Variants in MTMR3 observed in about 807,000 individuals in gnomAD.
The protein encoded by MTMR3 is phosphatidylinositol-3,5-bisphosphate 3-phosphatase MTMR3.
In MTMR3, 32 loss-of-function variants were observed where a neutral mutation model predicts 132.4. The observed-to-expected ratio is 0.24, with a 90% CI of 0.18 to 0.32. The LOEUF is 0.32. MTMR3 is among the 10% of genes least tolerant of loss of function. The pLI is 1.00. For synonymous variants in MTMR3, 556 were observed against 550.3 expected (o/e 1.01, Z -0.14); for missense variants, 1,216 against 1,489.6 (o/e 0.82, Z 3.02).
At chr22:29,946,157 G>A (rs909093058) in intron 1 of MTMR3, among the ~76,000 whole-genome samples, 2 of 152,156 alleles carry the variant, frequency 1.3e-5, no homozygotes, top group Non-Finnish European at 2.9e-5. Context: ...TTCAAAGAAA[G>A]CAGTGAAAAT....
chr22:29,956,489 C>T (rs548678367), intron 1 of MTMR3, among the ~76,000 whole-genome samples: 11 of 152,152 alleles, frequency 7.2e-5, no homozygotes, highest in Admixed American at 2.6e-4. Context: ...TCAAGTGATC[C>T]GCCTGCCTTG....
chr22:30,023,120 C>A, intron 19 of MTMR3: 1 of 408,320 alleles, frequency 2.4e-6, no homozygotes, highest in South Asian at 2.8e-5. Flanking sequence ...CATTGGTGAG[C>A]AGCTGTAGCT....
chr22:29,999,610 A>G (rs549559340), intron 8 of MTMR3: 51 of 152,068 alleles, frequency 3.4e-4, no homozygotes, highest in African/African-American at 1.1e-3. Flanking sequence ...TGGATTTTGG[A>G]GCATTTCAGA....
intron 1 of MTMR3, among the ~76,000 whole-genome samples, chr22:29,907,037 A>G (rs562838568): frequency 3.3e-5 from 5 of 151,998 alleles, no homozygotes; most frequent in Admixed American, 1.3e-4. Flanking sequence ...AGATTGCGCC[A>G]CTGCACTCCA....
Position 29,900,758 on chromosome 22 carries a change from A to G in MTMR3, c.-138+17399A>G, listed in dbSNP as rs186714385. Among the ~76,000 whole-genome samples, 393 of 152,300 alleles carry G rather than the reference A, an allele frequency of 2.6e-3. 1 individual carries two copies. The highest frequency in any genetic ancestry group is 9.0e-3 in the African/African-American group (376 of 41,562). ...GAGAAAGGGTCTCACTCTGTCACCCAGGGTGGAGTGAGTGGCGTGATCTTG... is the reference window on the plus strand; with the variant it reads ...GAGAAAGGGTCTCACTCTGTCACCCGGGGTGGAGTGAGTGGCGTGATCTTG... On this transcript the variant is annotated intron_variant, in intron 1 of 19. Transcript: ENST00000401950.
chr22:29,990,282 T>A (rs909430956), intron 6 of MTMR3: 4 of 152,292 alleles, frequency 2.6e-5, no homozygotes, highest in Admixed American at 2.0e-4. Context: ...TTAAATTTAA[T>A]AGCTCTAGAG....
intron 5 of MTMR3, chr22:29,986,677 T>C (rs1407870466): frequency 3.1e-5 from 25 of 799,788 alleles, no homozygotes; most frequent in Non-Finnish European, 3.6e-5. Flanking sequence ...TTTTTTTTGT[T>C]TTTGAGATGG....
intron 18 of MTMR3, 32 bp from the exon 19 acceptor site, chr22:30,022,577 C>T (rs1191202475): frequency 6.3e-7 from 1 of 1,595,008 alleles, no homozygotes; most frequent in Non-Finnish European, 8.6e-7. Context: ...GGCCCATCTC[C>T]TGTCAGTAAC....
At chr22:29,928,897 A>G (rs1028949869) in intron 1 of MTMR3, among the ~76,000 whole-genome samples, 5 of 152,226 alleles carry the variant, frequency 3.3e-5, no homozygotes, top group African/African-American at 1.2e-4. Context: ...ACTTGGCTAT[A>G]TGGAATACGT....
Position 30,020,499 on chromosome 22 carries a change from C to T in MTMR3, c.2840C>T (p.Thr947Ile). 6.8e-6 allele frequency: 11 copies of T among 1,614,178 alleles called. No homozygotes were observed. Among genetic ancestry groups the T allele is most frequent in the Middle Eastern group, 1.6e-4 (1 of 6,062 alleles). ...TCAGAGCAGCCCCCAGGTCTTAGCA[C>T]CCTCCAGATGTACCCCACACCCAAT... ...RASEQPPGLSTLQMYPTPNGH... is the reference protein window; with the variant it reads ...RASEQPPGLSILQMYPTPNGH... The change falls in exon 17 of 20, where the codon ACC (threonine) becomes ATC (isoleucine). Residue 947 changes from threonine (T) to isoleucine (I), a missense_variant. Physicochemically the swap from Thr to Ile is moderately conservative, Grantham distance 89 (BLOSUM62 -1). Transcript: ENST00000401950.
intron 1 of MTMR3, among the ~76,000 whole-genome samples, chr22:29,949,129 ACACACACACACACACCCCCCCC>A (rs1569019562): frequency 9.8e-5 from 3 of 30,508 alleles, no homozygotes; most frequent in African/African-American, 2.1e-4. Flanking sequence ...ACACACACAC[ACACACACACACACACCCCCCCC>A]CCCCCCCCCG....
chr22:29,987,399 GTCC>G (rs1166821872), intron 5 of MTMR3: 8 of 152,146 alleles, frequency 5.3e-5, no homozygotes, highest in Non-Finnish European at 1.2e-4. Flanking sequence ...GGAGGAGACT[GTCC>G]TCCTCTTTGC....
At position 29,998,825 on chromosome 22, in the gene MTMR3, C is replaced by T; in HGVS notation, c.525C>T (p.Ala175=). The part of the protein sequence containing the change: ...VERMGFDMNN[A]WRISNINEKY... ...GGATGGGTTTTGATATGAACAACGCCTGGAGGATTTCCAACATCAATGAGA... is the reference window on the plus strand; with the variant it reads ...GGATGGGTTTTGATATGAACAACGCTTGGAGGATTTCCAACATCAATGAGA... The change falls in exon 8 of 20, where the codon GCC becomes GCT. Residue 175 remains alanine, a synonymous_variant. Coordinates refer to ENST00000401950, the MANE Select transcript of MTMR3 (RefSeq NM_021090.4). The T allele has an allele frequency of 6.2e-7, 1 of 1,611,316 alleles. No homozygotes were observed. Among genetic ancestry groups the T allele is most frequent in the Non-Finnish European group, 8.5e-7 (1 of 1,178,458 alleles).
chr22:29,971,560 CAT>C (rs977243086), intron 3 of MTMR3, among the ~76,000 whole-genome samples: 13 of 152,172 alleles, frequency 8.5e-5, no homozygotes, highest in South Asian at 2.1e-4. Flanking sequence ...AGCTGATTAA[CAT>C]ATGTATTACT....
At chr22:29,992,210 AGC>A (rs2066976414) in intron 7 of MTMR3, 1 of 152,430 alleles carries the variant, frequency 6.6e-6, no homozygotes, top group Non-Finnish European at 1.5e-5. Flanking sequence ...CCTCCTGTGT[AGC>A]TGGGATTACA....
intron 19 of MTMR3, chr22:30,023,271 G>A: frequency 4.7e-6 from 3 of 636,230 alleles, no homozygotes; most frequent in African/African-American, 3.6e-5. Context: ...GATGTTCAGT[G>A]TTCTTAGAAG....
At chr22:30,013,202 C>T (rs1006139955) in intron 13 of MTMR3, 154 bp from the exon 14 acceptor site, 4 of 602,818 alleles carry the variant, frequency 6.6e-6, no homozygotes, top group African/African-American at 5.6e-5. Context: ...TAAGTGTGTG[C>T]CTCATCAGGG....
chr22:30,005,388 A>G (rs1307162124), intron 9 of MTMR3: 2 of 152,214 alleles, frequency 1.3e-5, no homozygotes, highest in African/African-American at 4.8e-5. Flanking sequence ...AGTGTCCCCT[A>G]AAACCCAAGA....
chr22:29,897,111 C>T (rs1320073201), intron 1 of MTMR3, among the ~76,000 whole-genome samples: 3 of 147,088 alleles, frequency 2.0e-5, no homozygotes, highest in Non-Finnish European at 3.0e-5. Context: ...GTTGGAGTCT[C>T]GCTCTGTCGC....
Sources: gnomAD v4.1 joint callset for allele counts (sites outside exome capture counted in the v4.1 genomes callset) on GRCh38, gnomAD v4.1.1 for gene constraint, MANE v1.5 for transcripts, NCBI Gene and HGNC (gene_info 2026-07-23, HGNC 2026-07-21) for gene names.